Variants in PALD1 observed in about 807,000 individuals in gnomAD.
PALD1 encodes the protein phosphatase domain containing paladin 1, also known as paladin.
In PALD1, 57 loss-of-function variants were observed where a neutral mutation model predicts 96.0. The observed-to-expected ratio is 0.59, with a 90% CI of 0.48 to 0.74. The LOEUF (loss-of-function observed/expected upper bound fraction) is 0.74. Among genes scored for constraint, PALD1 ranks in the 30% least tolerant of loss-of-function variants. The pLI is 0.00. For missense variants in PALD1, 1,063 were observed against 1,143.7 expected (o/e 0.93, Z 1.02); for synonymous variants, 464 against 473.6 (o/e 0.98, Z 0.26).
chr10:70,497,066 C>A (rs1372391233), intron 1 of PALD1, among the ~76,000 whole-genome samples: 2 of 152,202 alleles, frequency 1.3e-5, no homozygotes, highest in African/African-American at 4.8e-5. Flanking sequence ...TCTCTGCCTT[C>A]CTCGCCCACC....
chr10:70,531,598 T>C, intron 5 of PALD1, 144 bp downstream of exon 5: 1 of 727,378 alleles, frequency 1.4e-6, no homozygotes, highest in East Asian at 2.8e-5. Flanking sequence ...GCTGCAAGGC[T>C]GACTCACGGG....
chr10:70,548,197 C>T (rs1278348611), intron 18 of PALD1, among the ~76,000 whole-genome samples: 3 of 151,584 alleles, frequency 2.0e-5, no homozygotes, highest in South Asian at 4.2e-4. Context: ...CCCAGCTACT[C>T]GGGAGGCTGA....
chr10:70,467,834 G>A, the PALD1 span, among the ~76,000 whole-genome samples: 14 of 152,100 alleles, frequency 9.2e-5, no homozygotes, highest in Admixed American at 3.3e-4. Context: ...GAGGTGGGGA[G>A]TTAGATTAAC....
intron 17 of PALD1, among the ~76,000 whole-genome samples, chr10:70,545,507 G>C (rs931275457): frequency 6.6e-6 from 1 of 152,066 alleles, no homozygotes; most frequent in Non-Finnish European, 1.5e-5. Context: ...GCACAGGGTG[G>C]CTGGGAGGGC....
At chr10:70,482,614 G>A (rs1019533361) in intron 1 of PALD1, among the ~76,000 whole-genome samples, 1 of 152,098 alleles carries the variant, frequency 6.6e-6, no homozygotes, top group South Asian at 2.1e-4. Flanking sequence ...TGACACATCT[G>A]CCTCGACCAT....
chr10:70,494,199 C>T (rs1359133797), intron 1 of PALD1, among the ~76,000 whole-genome samples: 1 of 152,238 alleles, frequency 6.6e-6, no homozygotes, highest in Non-Finnish European at 1.5e-5. Context: ...TCTTTACTCT[C>T]ATGTGAGGCC....
At chr10:70,468,006 T>A in the PALD1 span, among the ~76,000 whole-genome samples, 3 of 152,128 alleles carry the variant, frequency 2.0e-5, no homozygotes, top group African/African-American at 4.8e-5. Flanking sequence ...ACCTTGTGAT[T>A]ACGCACAAGG....
chr10:70,506,556 C>A (rs889410724), intron 1 of PALD1, among the ~76,000 whole-genome samples: 2 of 152,176 alleles, frequency 1.3e-5, no homozygotes, highest in Non-Finnish European at 2.9e-5. Flanking sequence ...TTTCCCCCAA[C>A]TAACCTGAGT....
intron 1 of PALD1, among the ~76,000 whole-genome samples, chr10:70,487,019 A>G (rs1846025236): frequency 6.6e-6 from 1 of 151,644 alleles, no homozygotes; most frequent in East Asian, 1.9e-4. Context: ...CCCTTTGGGG[A>G]GCCCTCTGGG....
chr10:70,505,304 T>C (rs983625819), intron 1 of PALD1, among the ~76,000 whole-genome samples: 4 of 152,114 alleles, frequency 2.6e-5, no homozygotes, highest in African/African-American at 9.7e-5. Flanking sequence ...TTTGTGAAAA[T>C]ATCTGCCATG....
intron 1 of PALD1, among the ~76,000 whole-genome samples, chr10:70,501,312 C>A (rs1468693255): frequency 6.6e-6 from 1 of 152,182 alleles, no homozygotes; most frequent in Non-Finnish European, 1.5e-5. Flanking sequence ...TTCTCGGCCT[C>A]CCTGGGCCTC....
chr10:70,507,661 A>G (rs997276644), intron 1 of PALD1, among the ~76,000 whole-genome samples: 4 of 152,006 alleles, frequency 2.6e-5, no homozygotes, highest in East Asian at 1.9e-4. Context: ...GCCTCAAGCT[A>G]TCCGCCAGCC....
chr10:70,529,465 C>G, intron 3 of PALD1, 134 bp downstream of exon 3: 1 of 619,508 alleles, frequency 1.6e-6, no homozygotes, highest in South Asian at 1.8e-5. Flanking sequence ...CGGGCAGGGC[C>G]CTAGGATGGA....
upstream of PALD1, among the ~76,000 whole-genome samples, chr10:70,478,004 TGCC>T (rs1441238420): frequency 1.3e-5 from 2 of 148,930 alleles, no homozygotes; most frequent in African/African-American, 2.5e-5. Flanking sequence ...CCGGGCTGGC[TGCC>T]GCCTAGTGCT....
At chr10:70,466,043 G>A in the PALD1 span, among the ~76,000 whole-genome samples, 1 of 152,272 alleles carries the variant, frequency 6.6e-6, no homozygotes, top group South Asian at 2.1e-4. Flanking sequence ...GGAGGCTGGA[G>A]GGGAGAGGGG....
intron 1 of PALD1, among the ~76,000 whole-genome samples, chr10:70,491,105 C>A (rs1846090204): frequency 6.6e-6 from 1 of 152,176 alleles, no homozygotes; most frequent in Admixed American, 6.5e-5. Context: ...GCCACCACGC[C>A]TGGCTAATTT....
At position 70,541,552 on chromosome 10, in the gene PALD1, G is replaced by T. The variant is rs758077242; in HGVS notation, c.2121+18G>T. 1 of 1,596,380 alleles carries T rather than the reference G, an allele frequency of 6.3e-7. No homozygotes were observed. The highest frequency in any genetic ancestry group is 2.2e-5 in the East Asian group (1 of 44,558). On this transcript the variant is annotated intron_variant, in intron 17 of 19. Transcript: ENST00000263563. ...AATTTCAGGTGAGCATGCCCTGCGG[G>T]GTCCCTGAGGCACCTTGGGATGGGA...
the PALD1 span, among the ~76,000 whole-genome samples, chr10:70,467,967 A>C: frequency 1.4e-4 from 21 of 151,786 alleles, no homozygotes; most frequent in African/African-American, 4.6e-4. Flanking sequence ...TTACCCACCC[A>C]CCCCCCATTG....
intron 18 of PALD1, among the ~76,000 whole-genome samples, chr10:70,557,416 G>A (rs931460994): frequency 1.3e-5 from 2 of 152,202 alleles, no homozygotes; most frequent in African/African-American, 4.8e-5. Context: ...TGGCCTAGAG[G>A]TGCTGCTGAA....
Sources: gnomAD v4.1 joint callset for allele counts (sites outside exome capture counted in the v4.1 genomes callset) on GRCh38, gnomAD v4.1.1 for gene constraint, MANE v1.5 for transcripts, NCBI Gene and HGNC (gene_info 2026-07-23, HGNC 2026-07-21) for gene names.